ZNF619: variants seen among roughly 807,000 people sequenced by gnomAD.
The protein encoded by ZNF619 is zinc finger protein 619.
ZNF619 carries 9 observed loss-of-function variants against 14.2 expected under a neutral mutation model. That is an observed-to-expected ratio of 0.64 (90% CI 0.38 to 1.11). ZNF619 has a LOEUF of 1.11. Ranked by LOEUF, ZNF619 falls within the 50% of genes least tolerant of loss-of-function variation. The pLI, the probability that ZNF619 is intolerant of heterozygous loss-of-function variation, is 0.01. For synonymous variants in ZNF619, 246 were observed against 252.8 expected (o/e 0.97, Z 0.26); for missense variants, 659 against 680.1 (o/e 0.97, Z 0.34).
chr3:40,487,537 C>T lies in ZNF619; in HGVS notation c.1027C>T (p.Pro343Ser). 1.9e-6 allele frequency: 3 copies of T among 1,614,146 alleles called. No homozygotes were observed. Among genetic ancestry groups the T allele is most frequent in the Non-Finnish European group, 2.5e-6 (3 of 1,180,024 alleles). ...IHERIHNGEK[P>S]YECKECGKSL... ...TGAACGAATTCACAATGGGGAGAAG[C>T]CCTATGAATGTAAGGAGTGTGGGAA... The change falls in exon 5 of 5, where the codon CCC becomes TCC. Residue 343 changes from proline to serine, a missense_variant. Pro to Ser is a moderately conservative substitution (Grantham distance 74). Transcript: ENST00000432264.
intron 4 of ZNF619, 48 bp from the exon 5 acceptor site, chr3:40,486,758 C>T (rs377180603): frequency 2.0e-6 from 3 of 1,467,612 alleles, no homozygotes; most frequent in Non-Finnish European, 2.8e-6. Context: ...ACCCTTTTCC[C>T]TTCTGGAATA....
At chr3:40,480,752 G>A (rs923987867) in intron 2 of ZNF619, among the ~76,000 whole-genome samples, 2 of 152,010 alleles carry the variant, frequency 1.3e-5, no homozygotes, top group South Asian at 2.1e-4. Flanking sequence ...TGCCCGCCTC[G>A]GCCTCCCAAA....
In ZNF619 at chr3:40,484,697, G is replaced by T. The variant is rs552991718; in HGVS notation, c.295+1993G>T. On this transcript the variant is annotated intron_variant, in intron 4 of 4. Transcript: ENST00000432264. ...CTGAAGTGTGTCTAGTGCAGCTGAG[G>T]AACTGAGTTTTTAATTTTATTCCAT... 4.9e-4 allele frequency among the ~76,000 whole-genome samples: 74 copies of T among 152,286 alleles called. 2 individuals carry two copies. In the South Asian group the frequency reaches 0.015, roughly 32 times the overall value.
Position 40,481,917 on chromosome 3 carries a change from G to T in ZNF619, c.79G>T (p.Val27Leu). 6.2e-7 allele frequency: 1 copy of T among 1,613,862 alleles called. No individual in the cohort carries two copies. The highest frequency in any genetic ancestry group is 8.5e-7 in the Non-Finnish European group (1 of 1,179,858). The stretch of plus-strand genomic sequence containing the variant: ...GCCAGTAACCTTTGAGGATGTGGCT[G>T]TGTACTTCACCCAGAATGAATGGGC... Reference protein sequence around the residue: ...QEPVTFEDVAVYFTQNEWASL... With the variant: ...QEPVTFEDVALYFTQNEWASL... Residue 27 changes from valine to leucine, a missense_variant, in exon 3 of 5, where the codon GTG becomes TTG. Physicochemically the swap from Val to Leu is conservative, Grantham distance 32 (BLOSUM62 1). Transcript: ENST00000432264.
chr3:40,477,959 T>C lies in ZNF619; in HGVS notation c.-21T>C, dbSNP rs1377081225. Reference sequence around the variant, plus strand: ...TTTTTCAAACCTAGAGGGCAGTGCATGAAGCCAGGGGTCATCAGCCATGCT... The same window carrying C: ...TTTTTCAAACCTAGAGGGCAGTGCACGAAGCCAGGGGTCATCAGCCATGCT... On this transcript the variant is annotated 5_prime_UTR_variant, in exon 2 of 5. An upstream start codon of the reference 5' UTR is lost. Transcript: ENST00000432264. The C allele has an allele frequency of 1.2e-5, 18 of 1,554,142 alleles. No individual in the cohort carries two copies. Among genetic ancestry groups the C allele is most frequent in the African/African-American group, 1.4e-5 (1 of 73,022 alleles).
intron 4 of ZNF619, among the ~76,000 whole-genome samples, chr3:40,485,913 C>A (rs1284050112): frequency 6.6e-6 from 1 of 152,140 alleles, no homozygotes; most frequent in Non-Finnish European, 1.5e-5. Context: ...TCCCAAAGGA[C>A]AGCACTTGGG....
intron 2 of ZNF619, among the ~76,000 whole-genome samples, chr3:40,479,067 CCCT>C (rs1476446007): frequency 6.6e-6 from 1 of 152,092 alleles, no homozygotes; most frequent in Non-Finnish European, 1.5e-5. Flanking sequence ...GTGGCAGCTC[CCCT>C]ATTATGCTCT....
At chr3:40,482,400 A>G (rs1053252743) in intron 3 of ZNF619, 188 bp from the exon 4 acceptor site, 3 of 1,594,864 alleles carry the variant, frequency 1.9e-6, no homozygotes, top group Non-Finnish European at 2.6e-6. Context: ...CTCTGGGAGC[A>G]TTCTGTCCTC....
At chr3:40,481,796 G>C (rs1697402304) in intron 2 of ZNF619, 67 bp from the exon 3 acceptor site, 2 of 1,549,498 alleles carry the variant, frequency 1.3e-6, no homozygotes, top group South Asian at 2.5e-5. Flanking sequence ...ATGGGGCTCA[G>C]TGCCATGGAT....
chr3:40,485,602 A>G (rs1452021452), intron 4 of ZNF619, among the ~76,000 whole-genome samples: 1 of 152,072 alleles, frequency 6.6e-6, no homozygotes, highest in Non-Finnish European at 1.5e-5. Flanking sequence ...TGTGCCCGGC[A>G]TGAATACATC....
Position 40,478,520 on chromosome 3 carries a change from T to C in ZNF619, c.24+517T>C, listed in dbSNP as rs544917347. ...GCCAGAACTGGAAACATGTGGAAAA[T>C]GTAGATTGATGAGGGAGATGTATTT... On this transcript the variant is annotated intron_variant, in intron 2 of 4. Coordinates refer to ENST00000432264, the MANE Select transcript of ZNF619 (RefSeq NM_001145093.4). 2.2e-4 allele frequency among the ~76,000 whole-genome samples: 33 copies of C among 152,062 alleles called. No homozygotes were observed. In the South Asian group the frequency reaches 6.6e-3, roughly 31 times the overall value.
At chr3:40,483,448 G>A (rs1031043615) in intron 4 of ZNF619, among the ~76,000 whole-genome samples, 4 of 151,760 alleles carry the variant, frequency 2.6e-5, no homozygotes, top group African/African-American at 9.7e-5. Flanking sequence ...GTGCCACCAT[G>A]ACTGGCTAAT....
Position 40,487,294 on chromosome 3 carries a change from T to C in ZNF619, c.784T>C (p.Cys262Arg), listed in dbSNP as rs1404438265. The part of the protein sequence containing the change: ...KIHTGEKPYS[C>R]EECGQAFSQN... ...CCACACTGGAGAGAAACCATACTCA[T>C]GTGAGGAATGTGGACAAGCCTTCAG... The change falls in exon 5 of 5, where the codon TGT (cysteine) becomes CGT (arginine). Residue 262 changes from cysteine to arginine, a missense_variant. Coordinates refer to ENST00000432264, the MANE Select transcript of ZNF619 (RefSeq NM_001145093.4). 31 of 1,614,130 alleles carry C rather than the reference T, an allele frequency of 1.9e-5. No individual in the cohort carries two copies. Among genetic ancestry groups the C allele is most frequent in the Non-Finnish European group, 2.5e-5 (29 of 1,179,998 alleles).
chr3:40,481,645 A>G (rs1697395460), intron 2 of ZNF619, among the ~76,000 whole-genome samples: 1 of 152,208 alleles, frequency 6.6e-6, no homozygotes, highest in Non-Finnish European at 1.5e-5. Context: ...ATCACCAGGC[A>G]GAGAACAACA....
In ZNF619 at chr3:40,486,720, T is replaced by A. The variant is rs868234805; in HGVS notation, c.296-86T>A. The A allele has an allele frequency of 2.1e-5, 22 of 1,047,830 alleles. No individual in the cohort carries two copies. The African/African-American group carries it at 2.1e-4, about 10-fold the overall frequency. 64.9% of individuals were successfully genotyped at this position (1,047,830 alleles called of 1,614,324 possible). A position where few individuals can be genotyped will look rare whatever the true frequency, so the allele number is the denominator to read the frequency against. ...CCACTCAAAAAAAAAAAAAAATTCATGTGTCTAGGGCAAGCTGTTACTGAT... is the reference window on the plus strand; with the variant it reads ...CCACTCAAAAAAAAAAAAAAATTCAAGTGTCTAGGGCAAGCTGTTACTGAT... On this transcript the variant is annotated intron_variant, in intron 4 of 4. Transcript: ENST00000432264.
Position 40,486,975 on chromosome 3 carries a change from A to T in ZNF619, c.465A>T (p.Thr155=). The stretch of plus-strand genomic sequence containing the variant: ...AGCTACATGATACAGGGAATAAAAC[A>T]AAGATAGGGGATTGCACAGATTTGA... ...KSQLHDTGNK[T]KIGDCTDLTV... Residue 155 remains threonine (T), a synonymous_variant, in exon 5 of 5, where the codon ACA becomes ACT. Coordinates refer to ENST00000432264, the MANE Select transcript of ZNF619 (RefSeq NM_001145093.4). The T allele has an allele frequency of 6.2e-7, 1 of 1,614,192 alleles. No homozygotes were observed.
rs777160704 is a variant in ZNF619, at chr3:40,481,930, A to G, written c.92A>G (p.Gln31Arg). 6.2e-7 allele frequency: 1 copy of G among 1,613,944 alleles called. No homozygotes were observed. The highest frequency in any genetic ancestry group is 1.7e-5 in the Admixed American group (1 of 59,994). ...GAGGATGTGGCTGTGTACTTCACCC[A>G]GAATGAATGGGCCAGCCTGCACCCT... Reference protein sequence around the residue: ...TFEDVAVYFTQNEWASLHPTQ... With the variant: ...TFEDVAVYFTRNEWASLHPTQ... The change falls in exon 3 of 5, where the codon CAG becomes CGG. Residue 31 changes from glutamine (Q) to arginine (R), a missense_variant. Gln to Arg is a conservative substitution (Grantham distance 43). Transcript: ENST00000432264.
At chr3:40,485,649 C>CTGTG (rs71618940) in intron 4 of ZNF619, among the ~76,000 whole-genome samples, 5,051 of 148,892 alleles carry the variant, frequency 0.034, 237 homozygotes, top group African/African-American at 0.1. Flanking sequence ...TCGGTTTCAG[C>CTGTG]TGTGTGTGTG....
At chr3:40,485,658 T>C (rs1248296266) in intron 4 of ZNF619, among the ~76,000 whole-genome samples, 1 of 151,918 alleles carries the variant, frequency 6.6e-6, no homozygotes. Context: ...GCTGTGTGTG[T>C]GTGTGTGTGT....
Sources: gnomAD v4.1 joint callset for allele counts (sites outside exome capture counted in the v4.1 genomes callset) on GRCh38, gnomAD v4.1.1 for gene constraint, MANE v1.5 for transcripts, NCBI Gene and HGNC (gene_info 2026-07-23, HGNC 2026-07-21) for gene names.